CNBD1: variants seen among roughly 807,000 people sequenced by gnomAD.
CNBD1 encodes cyclic nucleotide-binding domain-containing protein 1.
Under a neutral mutation model 54.4 loss-of-function variants are expected in CNBD1, and 71 were observed. The observed-to-expected ratio is 1.30, with a 90% CI of 1.08 to 1.59. The LOEUF is 1.59. CNBD1 is among the 40% of genes most tolerant of loss of function. The pLI is 0.00. For missense variants in CNBD1, 659 were observed against 518.0 expected (o/e 1.27, Z -2.64); for synonymous variants, 182 against 170.7 (o/e 1.07, Z -0.51).
chr8:86,928,520 AGC>A (rs1243702446), intron 3 of CNBD1, among the ~76,000 whole-genome samples: 1 of 152,198 alleles, frequency 6.6e-6, no homozygotes, highest in Non-Finnish European at 1.5e-5. Flanking sequence ...TCACTTTGTA[AGC>A]TTTGGGGGAG....
chr8:87,103,933 A>T (rs1393020852), intron 4 of CNBD1, among the ~76,000 whole-genome samples: 1 of 152,202 alleles, frequency 6.6e-6, no homozygotes, highest in Non-Finnish European at 1.5e-5. Context: ...GTGATACAAG[A>T]GTCAAGGGAA....
rs201939494 is a variant in CNBD1 at position 86,969,801 on chromosome 8, C to T, written c.431+30047C>T. ...TGTTTTATATATATATATACACACA[C>T]ACACACACACACACACACACATATA... On this transcript the variant is annotated intron_variant, in intron 4 of 10. Transcript: ENST00000518476. Among the ~76,000 whole-genome samples the T allele has an allele frequency of 5.4e-3, 735 of 136,394 alleles. 2 individuals are homozygous for T. Among genetic ancestry groups the T allele is most frequent in the East Asian group, 0.016 (79 of 5,026 alleles). 89.5% of individuals were successfully genotyped at this position (136,394 alleles called of 152,430 possible). A position where few individuals can be genotyped will look rare whatever the true frequency, so the allele number is the denominator to read the frequency against.
chr8:87,349,100 T>G (rs1810230577), intron 8 of CNBD1, among the ~76,000 whole-genome samples: 1 of 152,150 alleles, frequency 6.6e-6, no homozygotes, highest in Non-Finnish European at 1.5e-5. Context: ...TAAATAAAAT[T>G]TTGTCTATAT....
Position 87,265,457 on chromosome 8 carries a change from T to C in CNBD1, c.772-19221T>C, listed in dbSNP as rs1038610711. On this transcript the variant is annotated intron_variant, in intron 6 of 10. Transcript: ENST00000518476. The stretch of plus-strand genomic sequence containing the variant: ...CGTGATGCCTCCAGCTTTGTTCTTT[T>C]GGCTTAGGATTGACTTGGCAATATG... Among the ~76,000 whole-genome samples the C allele has an allele frequency of 4.6e-5, 7 of 152,292 alleles. No homozygotes were observed. In the South Asian group the frequency reaches 6.2e-4, roughly 14 times the overall value.
chr8:87,303,235 T>C (rs1809053003), intron 8 of CNBD1, among the ~76,000 whole-genome samples: 1 of 151,186 alleles, frequency 6.6e-6, no homozygotes, highest in Non-Finnish European at 1.5e-5. Context: ...GACTTCAAAC[T>C]ATACTACAAG....
At chr8:86,984,961 G>GACAT (rs1808573483) in intron 4 of CNBD1, among the ~76,000 whole-genome samples, 1 of 152,026 alleles carries the variant, frequency 6.6e-6, no homozygotes, top group South Asian at 2.1e-4. Context: ...GAGGGGTCGG[G>GACAT]GTGGAATGAC....
intron 4 of CNBD1, among the ~76,000 whole-genome samples, chr8:86,969,998 T>C (rs1808184495): frequency 6.6e-6 from 1 of 152,084 alleles, no homozygotes; most frequent in Non-Finnish European, 1.5e-5. Flanking sequence ...GATGGCAAAT[T>C]CTTTCAGATT....
chr8:86,874,049 C>A (rs1808480678), intron 1 of CNBD1, among the ~76,000 whole-genome samples: 1 of 152,120 alleles, frequency 6.6e-6, no homozygotes, highest in Admixed American at 6.5e-5. Flanking sequence ...TCTAGTAAAA[C>A]AATCCAATTC....
At chr8:87,344,494 G>T (rs769996696) in intron 8 of CNBD1, among the ~76,000 whole-genome samples, 2 of 151,932 alleles carry the variant, frequency 1.3e-5, no homozygotes, top group Non-Finnish European at 2.9e-5. Flanking sequence ...AGAAATGAAG[G>T]TTGGGTCACC....
At chr8:87,041,807 T>C (rs1208147330) in intron 4 of CNBD1, among the ~76,000 whole-genome samples, 1 of 151,844 alleles carries the variant, frequency 6.6e-6, no homozygotes, top group Non-Finnish European at 1.5e-5. Flanking sequence ...TCAAAAAAAA[T>C]AAGAAAACCA....
intron 3 of CNBD1, among the ~76,000 whole-genome samples, chr8:86,916,598 C>T (rs936391808): frequency 1.3e-5 from 2 of 152,128 alleles, no homozygotes; most frequent in African/African-American, 4.8e-5. Flanking sequence ...CTACTTCACC[C>T]AATTCCTGGG....
intron 8 of CNBD1, among the ~76,000 whole-genome samples, chr8:87,289,442 T>TTGAAAGC (rs1212320949): frequency 6.6e-6 from 1 of 152,116 alleles, no homozygotes; most frequent in Non-Finnish European, 1.5e-5. Flanking sequence ...TGTGGCCAAC[T>TTGAAAGC]TGAAAGCGAC....
At chr8:87,286,397 C>G in intron 7 of CNBD1, 142 bp from the exon 8 acceptor site, 1 of 554,862 alleles carries the variant, frequency 1.8e-6, no homozygotes, top group Non-Finnish European at 3.2e-6. Context: ...TAGAGTGATG[C>G]TCAGATAAAA....
At chr8:87,232,661 A>G (rs984789297) in intron 5 of CNBD1, among the ~76,000 whole-genome samples, 25 of 152,126 alleles carry the variant, frequency 1.6e-4, no homozygotes, top group African/African-American at 1.9e-4. Flanking sequence ...ATACTTGTCA[A>G]TGTTGTGTAA....
chr8:87,266,438 CTTTTTTTTTTTTTTTTTTT>C (rs72293236), intron 6 of CNBD1, among the ~76,000 whole-genome samples: 1 of 50,120 alleles, frequency 2.0e-5, no homozygotes, highest in African/African-American at 8.6e-5. Flanking sequence ...AAAAAAAAAT[CTTTTTTTTTTTTTTTTTTT>C]TTTTTTTTTT....
Position 87,124,431 on chromosome 8 carries a change from A to C in CNBD1, c.432-81562A>C, listed in dbSNP as rs542547793. 7.2e-5 allele frequency among the ~76,000 whole-genome samples: 11 copies of C among 151,858 alleles called. No homozygotes were observed. In the South Asian group the frequency reaches 2.3e-3, roughly 31 times the overall value. On this transcript the variant is annotated intron_variant, in intron 4 of 10. Transcript: ENST00000518476. Reference sequence around the variant, plus strand: ...AAGAAAAATCTTGGAAAATACATAAATATGTGGAAATTAATAATTACCACA... The same window carrying C: ...AAGAAAAATCTTGGAAAATACATAACTATGTGGAAATTAATAATTACCACA...
At chr8:87,247,576 G>A (rs1430172838) in intron 6 of CNBD1, among the ~76,000 whole-genome samples, 1 of 152,112 alleles carries the variant, frequency 6.6e-6, no homozygotes. Flanking sequence ...AAGTAAGCAA[G>A]TTTTGCGATC....
chr8:86,876,558 C>A (rs1037842716), intron 1 of CNBD1, among the ~76,000 whole-genome samples: 3 of 151,426 alleles, frequency 2.0e-5, no homozygotes, highest in Admixed American at 6.6e-5. Context: ...TAAATTTATT[C>A]ATTGCTTTTC....
At chr8:87,008,394 C>G (rs540108223) in intron 4 of CNBD1, among the ~76,000 whole-genome samples, 1 of 152,218 alleles carries the variant, frequency 6.6e-6, no homozygotes, top group South Asian at 2.1e-4. Context: ...TACTGATTTT[C>G]TCAGATGTTT....
Sources: allele counts gnomAD v4.1 joint callset (sites outside exome capture counted in the v4.1 genomes callset), GRCh38; gene constraint gnomAD v4.1.1; transcripts MANE v1.5; gene names NCBI Gene and HGNC (gene_info 2026-07-23, HGNC 2026-07-21).